FBXW12: variants seen among roughly 807,000 people sequenced by gnomAD.
FBXW12 encodes the protein F-box/WD repeat-containing protein 12.
FBXW12 carries 43 observed loss-of-function variants against 55.3 expected under a neutral mutation model. That is an observed-to-expected ratio of 0.78 (90% confidence interval 0.61 to 1.00). The LOEUF (loss-of-function observed/expected upper bound fraction) is 1.00. FBXW12 is among the 50% of genes least tolerant of loss of function. The pLI is 0.00. For synonymous variants in FBXW12, 184 were observed against 203.8 expected, an observed-to-expected ratio of 0.90 and a Z score of 0.83; for missense variants, 524 against 560.5, an observed-to-expected ratio of 0.93 and a Z score of 0.66.
chr3:48,376,459 G>A (rs558007020), intron 5 of FBXW12, among the ~76,000 whole-genome samples: 1 of 152,224 alleles, frequency 6.6e-6, no homozygotes, highest in Admixed American at 6.5e-5. Flanking sequence ...TCAGAAAGTG[G>A]TCTCTAGCTC....
At chr3:48,394,397 C>CT (rs146108706) in intron 10 of FBXW12, among the ~76,000 whole-genome samples, 163 bp from the exon 11 acceptor site, 3,227 of 152,290 alleles carry the variant, frequency 0.021, 108 homozygotes, top group African/African-American at 0.07. Flanking sequence ...ATCAGTGTAA[C>CT]TTTCCCTGAT....
At chr3:48,390,733 G>A (rs1045968316) in intron 10 of FBXW12, among the ~76,000 whole-genome samples, 1 of 151,936 alleles carries the variant, frequency 6.6e-6, no homozygotes, top group East Asian at 1.9e-4. Flanking sequence ...TTCTAGCAGT[G>A]TTTTGTAGTT....
At chr3:48,373,854 T>C in intron 4 of FBXW12, 149 bp downstream of exon 4, 1 of 667,838 alleles carries the variant, frequency 1.5e-6, no homozygotes, top group Non-Finnish European at 2.5e-6. Context: ...GTGATAGCCA[T>C]GTGATATCTC....
At chr3:48,374,893 C>A (rs532938698) in intron 4 of FBXW12, among the ~76,000 whole-genome samples, 1 of 151,838 alleles carries the variant, frequency 6.6e-6, no homozygotes, top group African/African-American at 2.4e-5. Context: ...CCTCAGCCTC[C>A]CAAGTAGTTG....
At chr3:48,374,027 A>G (rs1032554456) in intron 4 of FBXW12, among the ~76,000 whole-genome samples, 3 of 152,248 alleles carry the variant, frequency 2.0e-5, no homozygotes, top group South Asian at 4.1e-4. Flanking sequence ...ACTCTAAAAA[A>G]CAGAGGCTTG....
intron 10 of FBXW12, among the ~76,000 whole-genome samples, chr3:48,382,983 A>C (rs916496511): frequency 6.6e-6 from 1 of 152,236 alleles, no homozygotes; most frequent in African/African-American, 2.4e-5. Flanking sequence ...GATAGTCAAG[A>C]GCTGGAAGCT....
chr3:48,381,021 A>ATTTTTT, intron 8 of FBXW12, 109 bp downstream of exon 8: 1 of 631,414 alleles, frequency 1.6e-6, no homozygotes, highest in Non-Finnish European at 2.5e-6. Flanking sequence ...GGGGATTTCT[A>ATTTTTT]GTTTTTTTTT....
intron 5 of FBXW12, 41 bp downstream of exon 5, chr3:48,375,513 C>T: frequency 1.7e-6 from 2 of 1,189,994 alleles, no homozygotes; most frequent in Non-Finnish European, 2.5e-6. Flanking sequence ...TGCATATTTG[C>T]ATCCATCCTG....
At chr3:48,386,075 C>G (rs2036843929) in intron 10 of FBXW12, among the ~76,000 whole-genome samples, 2 of 152,174 alleles carry the variant, frequency 1.3e-5, no homozygotes, top group South Asian at 4.1e-4. Context: ...TCCGAAAACT[C>G]ATTGCCCAGA....
At chr3:48,374,125 C>T (rs1229942529) in intron 4 of FBXW12, among the ~76,000 whole-genome samples, 1 of 152,034 alleles carries the variant, frequency 6.6e-6, no homozygotes, top group Non-Finnish European at 1.5e-5. Context: ...TCAAGACCAG[C>T]CTGGCCAACA....
chr3:48,386,795 TA>T (rs1329816287), intron 10 of FBXW12, among the ~76,000 whole-genome samples: 4 of 152,198 alleles, frequency 2.6e-5, no homozygotes, highest in Admixed American at 2.6e-4. Context: ...TTCTGAACAT[TA>T]AATCAGCCTT....
chr3:48,385,112 C>G (rs1346744538), intron 10 of FBXW12, among the ~76,000 whole-genome samples: 1 of 152,160 alleles, frequency 6.6e-6, no homozygotes, highest in African/African-American at 2.4e-5. Flanking sequence ...TGACCAACAT[C>G]TCTTCATTCC....
At chr3:48,386,815 A>G (rs1177621209) in intron 10 of FBXW12, among the ~76,000 whole-genome samples, 1 of 152,146 alleles carries the variant, frequency 6.6e-6, no homozygotes, top group Non-Finnish European at 1.5e-5. Flanking sequence ...TTGCATTCCT[A>G]GACTAAATCC....
At chr3:48,373,183 G>A in intron 2 of FBXW12, 125 bp from the exon 3 acceptor site, 1 of 1,424,200 alleles carries the variant, frequency 7.0e-7, no homozygotes, top group Non-Finnish European at 9.8e-7. Flanking sequence ...AGAGTGCTTT[G>A]AGAGCTGGAA....
Position 48,381,806 on chromosome 3 carries a change from A to G in FBXW12, c.1092A>G (p.Leu364=). Residue 364 remains leucine (L), a synonymous_variant, in exon 9 of 11, where the codon TTA becomes TTG. Coordinates refer to ENST00000296438, the MANE Select transcript of FBXW12 (RefSeq NM_207102.2). ...TCTTTACCAGTGGACCATACTTGTT[A>G]CTCTTCAGCATCACTGGCTTCCTGC... The part of the protein sequence containing the change: ...MIVFTSGPYL[L]LFSITGFLLQ... 1.2e-6 allele frequency: 2 copies of G among 1,611,778 alleles called. No homozygotes were observed. The highest frequency in any genetic ancestry group is 1.3e-5 in the African/African-American group (1 of 74,888).
chr3:48,380,874 T>C lies in FBXW12; in HGVS notation c.947T>C (p.Leu316Pro), dbSNP rs375578389. ...GKKTEFITFD[L>P]TTKKTGGQTV... is the part of the protein sequence containing the mutation. Reference sequence around the variant, plus strand: ...AAGACAGAATTTATCACCTTTGATCTAACAACCAAGAAGACTGGAGGCCAA... The same window carrying C: ...AAGACAGAATTTATCACCTTTGATCCAACAACCAAGAAGACTGGAGGCCAA... Residue 316 changes from leucine (L) to proline (P), a missense_variant, in exon 8 of 11, where the codon CTA becomes CCA. By Grantham distance (98) the Leu-to-Pro change is moderately conservative (BLOSUM62 -3). Transcript: ENST00000296438. The C allele has an allele frequency of 6.2e-6, 10 of 1,613,978 alleles. No individual in the cohort carries two copies. In the African/African-American group the frequency reaches 1.3e-4, roughly 22 times the overall value.
At chr3:48,389,837 C>T (rs1334992966) in intron 10 of FBXW12, among the ~76,000 whole-genome samples, 2 of 152,210 alleles carry the variant, frequency 1.3e-5, no homozygotes, top group Non-Finnish European at 2.9e-5. Context: ...TGGGGTCTTA[C>T]ATCTAAACCT....
At chr3:48,377,766 G>C (rs914157063) in intron 5 of FBXW12, among the ~76,000 whole-genome samples, 1 of 152,170 alleles carries the variant, frequency 6.6e-6, no homozygotes, top group Admixed American at 6.5e-5. Flanking sequence ...CTTAGAAGTG[G>C]TACATTGGTA....
intron 1 of FBXW12, 125 bp from the exon 2 acceptor site, chr3:48,372,559 A>T (rs1560028766): frequency 2.5e-6 from 3 of 1,212,640 alleles, no homozygotes. Flanking sequence ...TTAGGTAGGG[A>T]TGCCTGCCAG....
Sources: allele counts gnomAD v4.1 joint callset (sites outside exome capture counted in the v4.1 genomes callset), GRCh38; gene constraint gnomAD v4.1.1; transcripts MANE v1.5; gene names NCBI Gene and HGNC (gene_info 2026-07-23, HGNC 2026-07-21).